SMYD3: variants seen among roughly 807,000 people sequenced by gnomAD.
SMYD3 encodes SET and MYND domain containing 3, also known as histone-lysine N-methyltransferase SMYD3.
In SMYD3, 36 loss-of-function variants were observed where a neutral mutation model predicts 57.7. The ratio of observed to expected loss-of-function variants is 0.62; its 90% CI spans 0.48 to 0.82. SMYD3 has a LOEUF of 0.82. Among genes scored for constraint, SMYD3 ranks in the 40% least tolerant of loss-of-function variants. The pLI, the probability that SMYD3 is intolerant of heterozygous loss-of-function variation, is 0.00. For synonymous variants in SMYD3, 211 were observed against 195.0 expected, an observed-to-expected ratio of 1.08 and a Z score of -0.68; for missense variants, 515 against 538.8, an observed-to-expected ratio of 0.96 and a Z score of 0.44.
intron 8 of SMYD3, among the ~76,000 whole-genome samples, chr1:245,867,668 G>GCGTGTGCGTGCGCGCACACA: frequency 6.7e-6 from 1 of 148,944 alleles, no homozygotes; most frequent in Admixed American, 6.7e-5. Flanking sequence ...GCGTGCGCGC[G>GCGTGTGCGTGCGCGCACACA]CACACACACA....
chr1:245,878,912 T>C (rs775556187), intron 8 of SMYD3, among the ~76,000 whole-genome samples: 6 of 152,220 alleles, frequency 3.9e-5, no homozygotes, highest in Non-Finnish European at 8.8e-5. Flanking sequence ...GGAAGCTGCC[T>C]ATGCTAAGAT....
chr1:246,254,049 A>T (rs2063839264), intron 5 of SMYD3, among the ~76,000 whole-genome samples: 1 of 152,142 alleles, frequency 6.6e-6, no homozygotes, highest in Admixed American at 6.5e-5. Context: ...GCATTCTATT[A>T]AAAAAACTTT....
intron 5 of SMYD3, among the ~76,000 whole-genome samples, chr1:246,275,921 T>A (rs71638322): frequency 0.02 from 2,579 of 128,356 alleles, no homozygotes; most frequent in East Asian, 0.12. Flanking sequence ...CTGATGCCCA[T>A]GTTTGAATAC....
chr1:246,307,460 C>T (rs2065001732), intron 5 of SMYD3, among the ~76,000 whole-genome samples: 1 of 145,824 alleles, frequency 6.9e-6, no homozygotes, highest in Non-Finnish European at 1.5e-5. Flanking sequence ...CGCTCTGTCG[C>T]CCAGGCTGGA....
In SMYD3 at chr1:246,028,947, T is replaced by C. The variant is rs116322244; in HGVS notation, c.532-99010A>G. Among the ~76,000 whole-genome samples the C allele has an allele frequency of 6.5e-3, 990 of 152,242 alleles. 2 individuals carry two copies. Among genetic ancestry groups the C allele is most frequent in the South Asian group, 9.3e-3 (45 of 4,828 alleles). On this transcript the variant is annotated intron_variant, in intron 5 of 11. Coordinates refer to ENST00000490107, the MANE Select transcript of SMYD3 (RefSeq NM_001167740.2). ...AATTCACATATTTACAGCCAACCAATTGTAAAATGTGTCAAGAAAACAGAC... is the reference window on the plus strand; with the variant it reads ...AATTCACATATTTACAGCCAACCAACTGTAAAATGTGTCAAGAAAACAGAC...
At chr1:245,987,086 T>C (rs533275958) in intron 5 of SMYD3, among the ~76,000 whole-genome samples, 11 of 152,308 alleles carry the variant, frequency 7.2e-5, no homozygotes, top group Middle Eastern at 3.4e-3. Context: ...CACAGCAGTC[T>C]TGGAATCAAC....
chr1:246,287,034 C>T (rs2064582973), intron 5 of SMYD3, among the ~76,000 whole-genome samples: 1 of 151,896 alleles, frequency 6.6e-6, no homozygotes, highest in Non-Finnish European at 1.5e-5. Context: ...CCAGGACCGG[C>T]TAATTTTTTG....
intron 11 of SMYD3, among the ~76,000 whole-genome samples, chr1:245,755,081 A>C (rs1016247310): frequency 2.6e-5 from 4 of 152,224 alleles, no homozygotes; most frequent in Non-Finnish European, 5.9e-5. Context: ...AGAGACTCTG[A>C]AGAAGTTATG....
chr1:246,128,706 G>A (rs1485739752), intron 5 of SMYD3, among the ~76,000 whole-genome samples: 1 of 152,160 alleles, frequency 6.6e-6, no homozygotes, highest in African/African-American at 2.4e-5. Context: ...AAACTCAGTA[G>A]AGCTCAGATA....
At chr1:246,284,810 G>C (rs2064527235) in intron 5 of SMYD3, among the ~76,000 whole-genome samples, 1 of 151,996 alleles carries the variant, frequency 6.6e-6, no homozygotes, top group Non-Finnish European at 1.5e-5. Flanking sequence ...GTATTAATAG[G>C]TTTCTAATGT....
intron 5 of SMYD3, among the ~76,000 whole-genome samples, chr1:246,197,157 T>G (rs2062839886): frequency 1.3e-5 from 2 of 152,196 alleles, no homozygotes; most frequent in Admixed American, 6.5e-5. Context: ...GAATACATAC[T>G]GATATAAATA....
At chr1:246,019,171 C>A (rs79269813) in intron 5 of SMYD3, among the ~76,000 whole-genome samples, 1 of 152,142 alleles carries the variant, frequency 6.6e-6, no homozygotes, top group Admixed American at 6.6e-5. Context: ...TTTTGCTCCT[C>A]CCCCTGGAAG....
intron 5 of SMYD3, among the ~76,000 whole-genome samples, chr1:246,225,670 C>G (rs1030230215): frequency 6.6e-6 from 1 of 152,152 alleles, no homozygotes; most frequent in African/African-American, 2.4e-5. Flanking sequence ...TTTTCCTCTT[C>G]GAGTCATTCT....
chr1:245,905,510 G>A lies in SMYD3; in HGVS notation c.813+10020C>T, dbSNP rs977138873. On this transcript the variant is annotated intron_variant, in intron 8 of 11. Transcript: ENST00000490107. ...CTCCTGTGCCTTTGGAAAAAGGAGG[G>A]AAGACTGAGAAAGATTGAGTCTTAC... is the stretch of plus-strand genomic sequence containing the variant. Among the ~76,000 whole-genome samples, 5 of 152,232 alleles carry A rather than the reference G, an allele frequency of 3.3e-5. No individual in the cohort carries two copies. In the East Asian group the frequency reaches 7.7e-4, roughly 23 times the overall value.
chr1:246,399,371 G>A (rs1327096819), intron 1 of SMYD3, among the ~76,000 whole-genome samples: 1 of 151,602 alleles, frequency 6.6e-6, no homozygotes, highest in Non-Finnish European at 1.5e-5. Flanking sequence ...ACCTCATTCT[G>A]TCACCTGGGC....
intron 10 of SMYD3, among the ~76,000 whole-genome samples, chr1:245,774,706 C>A (rs1039065568): frequency 3.4e-5 from 5 of 148,866 alleles, no homozygotes; most frequent in Non-Finnish European, 7.5e-5. Flanking sequence ...TCCCTCTCCA[C>A]GGTCTCCCTC....
intron 5 of SMYD3, among the ~76,000 whole-genome samples, chr1:246,302,252 C>T (rs764331539): frequency 2.0e-5 from 3 of 152,096 alleles, no homozygotes; most frequent in African/African-American, 7.2e-5. Context: ...ATCAGAGAAT[C>T]GAAGCAACTC....
chr1:245,944,885 G>A (rs900970766), intron 5 of SMYD3, among the ~76,000 whole-genome samples: 18 of 152,178 alleles, frequency 1.2e-4, no homozygotes, highest in African/African-American at 3.9e-4. Flanking sequence ...AAGCAATGGA[G>A]AAAGGATTCC....
At chr1:246,504,014 T>C (rs1393985445) in intron 1 of SMYD3, among the ~76,000 whole-genome samples, 1 of 150,790 alleles carries the variant, frequency 6.6e-6, no homozygotes, top group East Asian at 1.9e-4. Flanking sequence ...CCATTTACTC[T>C]TTCTACAACT....
Sources: allele counts gnomAD v4.1 joint callset (sites outside exome capture counted in the v4.1 genomes callset), GRCh38; gene constraint gnomAD v4.1.1; transcripts MANE v1.5; gene names NCBI Gene and HGNC (gene_info 2026-07-23, HGNC 2026-07-21).